The following MAF variants were observed in gnomAD, a reference collection of about 807,000 sequenced individuals.
The protein encoded by MAF is transcription factor Maf.
A neutral mutation model predicts 22.0 loss-of-function variants in MAF; 10 were observed. That is an observed-to-expected ratio of 0.45 (90% confidence interval 0.28 to 0.77). The LOEUF (loss-of-function observed/expected upper bound fraction) is 0.77. MAF is among the 30% of genes least tolerant of loss of function. The probability of loss-of-function intolerance (pLI) is 0.12; values close to 1 mark genes in which losing one functional copy is unlikely to be tolerated. For missense variants in MAF, 544 were observed against 548.4 expected (o/e 0.99, Z 0.08); for synonymous variants, 337 against 255.8 (o/e 1.32, Z -3.03).
the MAF span, among the ~76,000 whole-genome samples, chr16:79,540,116 CA>C: frequency 6.6e-6 from 1 of 151,962 alleles, no homozygotes; most frequent in African/African-American, 2.4e-5. Flanking sequence ...AAAGGATCCC[CA>C]AGAGGTCACC....
chr16:79,294,825 C>A, the MAF span, among the ~76,000 whole-genome samples: 3 of 152,182 alleles, frequency 2.0e-5, no homozygotes, highest in Non-Finnish European at 4.4e-5. Context: ...GATCAAACCA[C>A]AACCAAACTA....
At chr16:79,316,221 C>G in the MAF span, among the ~76,000 whole-genome samples, 2 of 152,224 alleles carry the variant, frequency 1.3e-5, no homozygotes, top group South Asian at 4.1e-4. Flanking sequence ...TTTGAAGTTG[C>G]TGGTAACCTT....
the MAF span, among the ~76,000 whole-genome samples, chr16:79,294,998 C>A: frequency 6.6e-6 from 1 of 152,084 alleles, no homozygotes; most frequent in Non-Finnish European, 1.5e-5. Flanking sequence ...CAGTCTACTT[C>A]CCCCTAGAGC....
the MAF span, among the ~76,000 whole-genome samples, chr16:79,321,843 C>G: frequency 3.9e-5 from 6 of 151,908 alleles, no homozygotes; most frequent in Admixed American, 3.3e-4. Context: ...GTGTGAACCA[C>G]CGTGCCCGGC....
the MAF span, among the ~76,000 whole-genome samples, chr16:79,308,370 G>C: frequency 6.6e-6 from 1 of 152,256 alleles, no homozygotes; most frequent in Non-Finnish European, 1.5e-5. Flanking sequence ...TGGATGGTAG[G>C]AGTTTGGCCT....
At chr16:79,334,402 G>A in the MAF span, among the ~76,000 whole-genome samples, 1 of 152,168 alleles carries the variant, frequency 6.6e-6, no homozygotes, top group Admixed American at 6.5e-5. Context: ...GAGGGTGACA[G>A]AAGTCAGAAC....
chr16:79,354,720 A>G, the MAF span, among the ~76,000 whole-genome samples: 1 of 152,250 alleles, frequency 6.6e-6, no homozygotes, highest in African/African-American at 2.4e-5. Flanking sequence ...AGTTCTCCTT[A>G]GGTGTAATTT....
chr16:79,376,277 A>G, the MAF span, among the ~76,000 whole-genome samples: 2 of 152,170 alleles, frequency 1.3e-5, no homozygotes, highest in South Asian at 4.1e-4. Context: ...ACACAAAAAT[A>G]GGTTGCATCT....
chr16:79,303,617 A>T, the MAF span, among the ~76,000 whole-genome samples: 1 of 152,218 alleles, frequency 6.6e-6, no homozygotes. Context: ...GGCTTCAAAA[A>T]TGCATCTTCC....
chr16:79,546,399 A>G, the MAF span, among the ~76,000 whole-genome samples: 1 of 152,134 alleles, frequency 6.6e-6, no homozygotes, highest in African/African-American at 2.4e-5. Context: ...ACTTTTTATG[A>G]ATGAGTGACT....
At chr16:79,383,808 C>G in the MAF span, among the ~76,000 whole-genome samples, 7 of 152,042 alleles carry the variant, frequency 4.6e-5, no homozygotes, top group South Asian at 2.1e-4. Context: ...AGTGAGAAGG[C>G]TATCAGAATT....
chr16:79,411,195 A>G, the MAF span, among the ~76,000 whole-genome samples: 4 of 151,916 alleles, frequency 2.6e-5, no homozygotes, highest in South Asian at 6.3e-4. Context: ...TTTTCTCACA[A>G]GACCTCGAAA....
chr16:79,410,395 A>G, the MAF span, among the ~76,000 whole-genome samples: 719 of 152,360 alleles, frequency 4.7e-3, 9 homozygotes, highest in African/African-American at 0.016. Context: ...AGTGGCCATC[A>G]TATTGAACTG....
chr16:79,373,448 T>A, the MAF span, among the ~76,000 whole-genome samples: 1 of 132,948 alleles, frequency 7.5e-6, no homozygotes, highest in Non-Finnish European at 1.5e-5. Context: ...AATGGAGTGA[T>A]CTCAGCTCAC....
At chr16:79,357,639 T>C in the MAF span, among the ~76,000 whole-genome samples, 7,024 of 152,136 alleles carry the variant, frequency 0.046, 504 homozygotes, top group African/African-American at 0.16. Context: ...ATCATGTGGG[T>C]TGGGACCATG....
chr16:79,303,960 TTGCAAAAGAATA>T, the MAF span, among the ~76,000 whole-genome samples: 1 of 152,314 alleles, frequency 6.6e-6, no homozygotes, highest in African/African-American at 2.4e-5. Context: ...AAAAGACTCA[TTGCAAAAGAATA>T]TGCCTGGCTC....
the MAF span, among the ~76,000 whole-genome samples, chr16:79,474,748 C>A: frequency 1.3e-5 from 2 of 151,996 alleles, no homozygotes; most frequent in Non-Finnish European, 2.9e-5. Flanking sequence ...TGAGCATGAC[C>A]CAGACCTACT....
At chr16:79,206,960 A>G in the MAF span, among the ~76,000 whole-genome samples, 9 of 152,126 alleles carry the variant, frequency 5.9e-5, no homozygotes, top group Non-Finnish European at 1.2e-4. Context: ...TGTGTTTCCA[A>G]TGAGAGATTG....
the MAF span, among the ~76,000 whole-genome samples, chr16:79,468,975 ATGT>A: frequency 2.6e-5 from 4 of 152,076 alleles, no homozygotes; most frequent in Non-Finnish European, 5.9e-5. Context: ...ATAAAGAGTG[ATGT>A]TGTTTGACAA....
Sources: gnomAD v4.1 joint callset for allele counts (sites outside exome capture counted in the v4.1 genomes callset) on GRCh38, gnomAD v4.1.1 for gene constraint, MANE v1.5 for transcripts, NCBI Gene and HGNC (gene_info 2026-07-23, HGNC 2026-07-21) for gene names.